The following ZCCHC7 variants were observed in gnomAD, a reference collection of about 807,000 sequenced individuals.
ZCCHC7 encodes the protein zinc finger CCHC-type containing 7.
In ZCCHC7, 35 loss-of-function variants were observed where a neutral mutation model predicts 52.0. That is an observed-to-expected ratio of 0.67 (90% CI 0.51 to 0.89). The LOEUF is 0.89. ZCCHC7 is among the 40% of genes least tolerant of loss of function. ZCCHC7 has a pLI of 0.00. For missense variants in ZCCHC7, 574 were observed against 649.1 expected, an observed-to-expected ratio of 0.88 and a Z score of 1.26; for synonymous variants, 217 against 221.5, an observed-to-expected ratio of 0.98 and a Z score of 0.18.
intron 2 of ZCCHC7, among the ~76,000 whole-genome samples, chr9:37,145,520 T>A (rs539815071): frequency 2.4e-4 from 36 of 152,002 alleles, no homozygotes; most frequent in African/African-American, 8.2e-4. Context: ...AAACATAGAT[T>A]GAGCTATTAA....
At chr9:37,159,766 C>T (rs1416283104) in intron 2 of ZCCHC7, among the ~76,000 whole-genome samples, 1 of 152,126 alleles carries the variant, frequency 6.6e-6, no homozygotes, top group Admixed American at 6.5e-5. Flanking sequence ...ATTCTAAAAT[C>T]TCCCAGGATT....
chr9:37,228,389 A>AT (rs897497698), intron 2 of ZCCHC7, among the ~76,000 whole-genome samples: 414 of 148,118 alleles, frequency 2.8e-3, no homozygotes, highest in African/African-American at 8.1e-3. Context: ...TTATTTATTT[A>AT]TTTTTTTTTT....
chr9:37,289,717 T>G (rs1828441345), intron 2 of ZCCHC7, among the ~76,000 whole-genome samples: 1 of 152,164 alleles, frequency 6.6e-6, no homozygotes, highest in Non-Finnish European at 1.5e-5. Context: ...TCACTCAGAG[T>G]AAAAGTCAAA....
rs554595837 is a variant in ZCCHC7 at position 37,185,726 on chromosome 9, A to G, written c.610+58784A>G. ...CAAATTTTTTTCTTCTTTTTCTTCT[A>G]TGGACACCTGTCATTGGTTTCAGGG... On this transcript the variant is annotated intron_variant, in intron 2 of 8. Coordinates refer to ENST00000336755, the MANE Select transcript of ZCCHC7 (RefSeq NM_032226.3). Among the ~76,000 whole-genome samples, 8 of 152,038 alleles carry G rather than the reference A, an allele frequency of 5.3e-5. No individual in the cohort carries two copies. In the East Asian group the frequency reaches 9.6e-4, roughly 18 times the overall value.
At chr9:37,193,871 GA>G (rs1286840926) in intron 2 of ZCCHC7, among the ~76,000 whole-genome samples, 5 of 152,152 alleles carry the variant, frequency 3.3e-5, no homozygotes, top group Non-Finnish European at 2.9e-5. Flanking sequence ...TCAGTCACCT[GA>G]AGTCTCATCT....
At chr9:37,351,072 T>G (rs2118640925) in intron 7 of ZCCHC7, among the ~76,000 whole-genome samples, 1 of 106,330 alleles carries the variant, frequency 9.4e-6, no homozygotes, top group Admixed American at 9.9e-5. Context: ...GAGACCTACA[T>G]TGTAGGGCAA....
intron 2 of ZCCHC7, among the ~76,000 whole-genome samples, chr9:37,152,721 AT>A (rs1446469756): frequency 6.6e-6 from 1 of 152,160 alleles, no homozygotes; most frequent in Non-Finnish European, 1.5e-5. Context: ...TATCAGCATG[AT>A]TTGTCATTGA....
chr9:37,237,058 A>G (rs1825686566), intron 2 of ZCCHC7, among the ~76,000 whole-genome samples: 1 of 152,186 alleles, frequency 6.6e-6, no homozygotes, highest in Non-Finnish European at 1.5e-5. Flanking sequence ...TTCTCTAACC[A>G]AAGGCAATTC....
chr9:37,127,915 A>G (rs1006787963), intron 2 of ZCCHC7, among the ~76,000 whole-genome samples: 1 of 152,226 alleles, frequency 6.6e-6, no homozygotes, highest in African/African-American at 2.4e-5. Flanking sequence ...GTGGGAAAGC[A>G]GCCTTAAATA....
intron 2 of ZCCHC7, among the ~76,000 whole-genome samples, chr9:37,176,316 G>A (rs536334520): frequency 3.3e-5 from 5 of 152,100 alleles, no homozygotes; most frequent in Admixed American, 2.0e-4. Flanking sequence ...CTCGTGATCC[G>A]CCTGCCTCGG....
chr9:37,309,647 G>T (rs1042393407), intron 5 of ZCCHC7, among the ~76,000 whole-genome samples: 16 of 152,116 alleles, frequency 1.1e-4, no homozygotes, highest in African/African-American at 3.9e-4. Context: ...CCAAGGCTGG[G>T]CGTGGTGGCT....
At chr9:37,314,700 A>C (rs1269245116) in intron 5 of ZCCHC7, among the ~76,000 whole-genome samples, 2 of 151,484 alleles carry the variant, frequency 1.3e-5, no homozygotes, top group Non-Finnish European at 1.5e-5. Flanking sequence ...TCACTTGAGC[A>C]AAGGAGTTCA....
At chr9:37,307,580 G>A (rs949466288) in intron 5 of ZCCHC7, among the ~76,000 whole-genome samples, 9 of 151,942 alleles carry the variant, frequency 5.9e-5, no homozygotes, top group Non-Finnish European at 1.0e-4. Flanking sequence ...GTCATGATAC[G>A]AAAGCAGAAA....
chr9:37,157,972 T>G (rs189782444), intron 2 of ZCCHC7, among the ~76,000 whole-genome samples: 66 of 152,322 alleles, frequency 4.3e-4, no homozygotes, highest in Non-Finnish European at 6.0e-4. Context: ...ACTACTGTCT[T>G]GAGGAGATAT....
chr9:37,128,988 A>G lies in ZCCHC7; in HGVS notation c.610+2046A>G, dbSNP rs62535674. ...ATCACTTCTGTATTTATGGTCATCA[A>G]ATTGTCATCTCCTTAACCATTTTGT... On this transcript the variant is annotated intron_variant, in intron 2 of 8. Transcript: ENST00000336755. 2.6e-4 allele frequency among the ~76,000 whole-genome samples: 39 copies of G among 152,310 alleles called. No individual in the cohort carries two copies. In the South Asian group the frequency reaches 6.4e-3, roughly 25 times the overall value.
intron 2 of ZCCHC7, among the ~76,000 whole-genome samples, chr9:37,261,111 C>G (rs1008982701): frequency 1.3e-5 from 2 of 152,058 alleles, no homozygotes; most frequent in Non-Finnish European, 2.9e-5. Context: ...GTTGTTGATA[C>G]CATATATGTC....
chr9:37,319,344 T>C (rs1348645409), intron 5 of ZCCHC7, among the ~76,000 whole-genome samples: 1 of 152,212 alleles, frequency 6.6e-6, no homozygotes, highest in Non-Finnish European at 1.5e-5. Context: ...TTCTTGACGG[T>C]TCTCAGGCAG....
In ZCCHC7 at chr9:37,126,951, CATATT is replaced by C. The variant is rs1842563532; in HGVS notation, c.610+10_610+14del. The C allele has an allele frequency of 6.2e-7, 1 of 1,609,234 alleles. No individual in the cohort carries two copies. The highest frequency in any genetic ancestry group is 1.3e-5 in the African/African-American group (1 of 74,832). On this transcript the variant is annotated intron_variant, in intron 2 of 8. Coordinates refer to ENST00000336755, the MANE Select transcript of ZCCHC7 (RefSeq NM_032226.3). ...AAACTCTGTTACTGAAGGTTAGTAT[CATATT>C]GGCCATTTTGAAAGTAGTATCATCT...
chr9:37,290,834 G>GA (rs1377777476), intron 2 of ZCCHC7, among the ~76,000 whole-genome samples: 1 of 151,980 alleles, frequency 6.6e-6, no homozygotes, highest in African/African-American at 2.4e-5. Flanking sequence ...GCCATATCTT[G>GA]AAAAACTATA....
Sources: allele counts gnomAD v4.1 joint callset (sites outside exome capture counted in the v4.1 genomes callset), GRCh38; gene constraint gnomAD v4.1.1; transcripts MANE v1.5; gene names NCBI Gene and HGNC (gene_info 2026-07-23, HGNC 2026-07-21).